PAK1: variants seen among roughly 807,000 people sequenced by gnomAD.
PAK1 encodes serine/threonine-protein kinase PAK 1.
A neutral mutation model predicts 67.4 loss-of-function variants in PAK1; 29 were observed. The observed-to-expected ratio is 0.43, with a 90% CI of 0.32 to 0.59. The LOEUF (loss-of-function observed/expected upper bound fraction) is 0.59, where lower values mean the gene tolerates loss of function less well. PAK1 is among the 20% of genes least tolerant of loss of function. The probability of loss-of-function intolerance (pLI) is 0.07; values close to 1 mark genes in which losing one functional copy is unlikely to be tolerated. For missense variants in PAK1, 337 were observed against 670.7 expected, an observed-to-expected ratio of 0.50 and a Z score of 5.50; for synonymous variants, 223 against 237.4, an observed-to-expected ratio of 0.94 and a Z score of 0.56.
At chr11:77,354,789 G>A (rs969461251) in intron 7 of PAK1, among the ~76,000 whole-genome samples, 8 of 152,148 alleles carry the variant, frequency 5.3e-5, no homozygotes, top group African/African-American at 9.7e-5. Flanking sequence ...TCGCCAAATC[G>A]GTCACATCAA....
chr11:77,513,521 A>C, the PAK1 span, among the ~76,000 whole-genome samples: 1 of 151,854 alleles, frequency 6.6e-6, no homozygotes, highest in Non-Finnish European at 1.5e-5. Context: ...AATACAAAAA[A>C]TTAGCCTGGC....
At chr11:77,427,764 G>GA (rs1955628065) in intron 1 of PAK1, among the ~76,000 whole-genome samples, 1 of 151,940 alleles carries the variant, frequency 6.6e-6, no homozygotes, top group African/African-American at 2.4e-5. Flanking sequence ...ATCAGAAGTA[G>GA]AAAAAAAGGG....
At chr11:77,414,262 G>C (rs1294894299) in intron 1 of PAK1, among the ~76,000 whole-genome samples, 1 of 152,198 alleles carries the variant, frequency 6.6e-6, no homozygotes, top group Non-Finnish European at 1.5e-5. Context: ...AGCATCTTAT[G>C]CAAGTCACTG....
intron 14 of PAK1, among the ~76,000 whole-genome samples, chr11:77,330,799 C>T (rs2050260697): frequency 6.6e-6 from 1 of 152,084 alleles, no homozygotes; most frequent in Non-Finnish European, 1.5e-5. Context: ...TCTAATTAAA[C>T]TAAAGAGCTT....
chr11:77,448,078 A>T (rs1286139906), intron 1 of PAK1, among the ~76,000 whole-genome samples: 5 of 152,158 alleles, frequency 3.3e-5, no homozygotes, highest in Non-Finnish European at 5.9e-5. Context: ...TCCAAACACA[A>T]CTCAAGCTTT....
chr11:77,381,767 G>A (rs2137143944), intron 2 of PAK1, among the ~76,000 whole-genome samples: 1 of 152,258 alleles, frequency 6.6e-6, no homozygotes, highest in Middle Eastern at 3.4e-3. Context: ...CTGAGAGCTG[G>A]GATTTGAACC....
chr11:77,418,016 G>A (rs1955062992), intron 1 of PAK1, among the ~76,000 whole-genome samples: 1 of 152,020 alleles, frequency 6.6e-6, no homozygotes. Flanking sequence ...GATTACAGGC[G>A]TGAGCCACTG....
In PAK1 at chr11:77,368,491, A is replaced by G. The variant is rs143723063; in HGVS notation, c.477+5837T>C. ...CTAGAGGATATGCTCCACCAAATTC[A>G]AAAGTAAACAAAAAATAATGTAGGC... On this transcript the variant is annotated intron_variant, in intron 5 of 14. Transcript: ENST00000356341. Among the ~76,000 whole-genome samples, 6 of 152,348 alleles carry G rather than the reference A, an allele frequency of 3.9e-5. No individual in the cohort carries two copies. The East Asian group carries it at 7.7e-4, about 20-fold the overall frequency.
chr11:77,505,684 C>T, the PAK1 span, among the ~76,000 whole-genome samples: 1 of 152,200 alleles, frequency 6.6e-6, no homozygotes, highest in African/African-American at 2.4e-5. Flanking sequence ...TTGTGACTGG[C>T]TTATTTCCAG....
At chr11:77,401,734 T>C (rs549327772) in intron 1 of PAK1, among the ~76,000 whole-genome samples, 1 of 152,176 alleles carries the variant, frequency 6.6e-6, no homozygotes, top group Non-Finnish European at 1.5e-5. Flanking sequence ...ACTTCCCCTA[T>C]GAAACCTTCA....
At chr11:77,472,214 T>C (rs1397105335) in intron 1 of PAK1, among the ~76,000 whole-genome samples, 1 of 152,278 alleles carries the variant, frequency 6.6e-6, no homozygotes, top group East Asian at 1.9e-4. Flanking sequence ...TGAGCTCATG[T>C]AGTTAAAGAG....
intron 1 of PAK1, among the ~76,000 whole-genome samples, chr11:77,408,661 C>T (rs1420976161): frequency 6.6e-6 from 1 of 152,066 alleles, no homozygotes; most frequent in Non-Finnish European, 1.5e-5. Context: ...AAGGACAGTG[C>T]TCACAAAAAT....
At chr11:77,497,706 G>C in the PAK1 span, among the ~76,000 whole-genome samples, 1 of 152,218 alleles carries the variant, frequency 6.6e-6, no homozygotes, top group South Asian at 2.1e-4. Flanking sequence ...AAAGGGCAAA[G>C]CTGTTCAGTA....
chr11:77,355,555 T>C (rs747924455), intron 7 of PAK1, 113 bp downstream of exon 7: 4 of 809,578 alleles, frequency 4.9e-6, no homozygotes, highest in Non-Finnish European at 8.3e-6. Flanking sequence ...AGTCTGTGCC[T>C]AAGGTACCAA....
chr11:77,502,398 T>G, the PAK1 span, among the ~76,000 whole-genome samples: 26,220 of 152,180 alleles, frequency 0.17, 2,870 homozygotes, highest in South Asian at 0.34. Flanking sequence ...CGTTTATTGT[T>G]AAAACATTTA....
At chr11:77,468,585 A>G (rs1957706534) in intron 1 of PAK1, among the ~76,000 whole-genome samples, 1 of 152,194 alleles carries the variant, frequency 6.6e-6, no homozygotes, top group Non-Finnish European at 1.5e-5. Context: ...AGCTTCAGTA[A>G]AGAGGTATTA....
intron 1 of PAK1, among the ~76,000 whole-genome samples, chr11:77,423,581 A>G (rs971685941): frequency 2.0e-5 from 3 of 152,214 alleles, no homozygotes; most frequent in African/African-American, 7.2e-5. Context: ...ACCAAAATTT[A>G]AGAAAAAAGG....
rs745507834 is a variant in PAK1, at chr11:77,379,347, A to G, written c.333T>C (p.Asn111=). 2 of 1,613,880 alleles carry G rather than the reference A, an allele frequency of 1.2e-6. No homozygotes were observed. The highest frequency in any genetic ancestry group is 1.7e-6 in the Non-Finnish European group (2 of 1,179,964). The part of the protein sequence containing the change: ...EQWARLLQTS[N]ITKSEQKKNP... ...TTTTCTTCTGCTCCGACTTAGTGATATTTGATGTCTGAAGCAAGCGGGCCC... is the reference window on the plus strand; with the variant it reads ...TTTTCTTCTGCTCCGACTTAGTGATGTTTGATGTCTGAAGCAAGCGGGCCC... Residue 111 remains asparagine, a synonymous_variant, in exon 4 of 15, where the codon AAT becomes AAC. Transcript: ENST00000356341.
intron 5 of PAK1, among the ~76,000 whole-genome samples, chr11:77,367,488 A>G (rs1266491388): frequency 6.6e-6 from 1 of 152,212 alleles, no homozygotes; most frequent in Non-Finnish European, 1.5e-5. Flanking sequence ...ATAAGAAAAT[A>G]TATCAATTCT....
Sources: allele counts gnomAD v4.1 joint callset (sites outside exome capture counted in the v4.1 genomes callset), GRCh38; gene constraint gnomAD v4.1.1; transcripts MANE v1.5; gene names NCBI Gene and HGNC (gene_info 2026-07-23, HGNC 2026-07-21).